The following CEP250 variants were observed in gnomAD, a reference collection of about 807,000 sequenced individuals.
CEP250 encodes the protein centrosomal protein 250, also known as centrosome-associated protein CEP250.
A neutral mutation model predicts 315.7 loss-of-function variants in CEP250; 242 were observed. The observed-to-expected ratio is 0.77, with a 90% CI of 0.69 to 0.85. The LOEUF (loss-of-function observed/expected upper bound fraction) is 0.85, where lower values mean the gene tolerates loss of function less well. Among genes scored for constraint, CEP250 ranks in the 40% least tolerant of loss-of-function variants. The pLI is 0.00. For synonymous variants in CEP250, 1,088 were observed against 1,175.0 expected (o/e 0.93, Z 1.51); for missense variants, 2,515 against 2,886.4 (o/e 0.87, Z 2.95).
At chr20:35,462,134 T>C (rs1367848432) in intron 3 of CEP250, 131 bp from the exon 4 acceptor site, 1 of 347,894 alleles carries the variant, frequency 2.9e-6, no homozygotes, top group Admixed American at 4.3e-5. Flanking sequence ...GTCAGTTAAA[T>C]TTGGGGAATG....
At chr20:35,496,101 G>T (rs1005307390) in intron 24 of CEP250, among the ~76,000 whole-genome samples, 4 of 152,060 alleles carry the variant, frequency 2.6e-5, no homozygotes, top group Non-Finnish European at 5.9e-5. Context: ...GGGGAGGAGA[G>T]GAAAGGGATG....
chr20:35,478,973 A>C (rs904245862), intron 17 of CEP250, among the ~76,000 whole-genome samples: 2 of 152,102 alleles, frequency 1.3e-5, no homozygotes, highest in Non-Finnish European at 2.9e-5. Flanking sequence ...GCATCTTCTC[A>C]AGGCCAAAAC....
rs180930362 is a variant in CEP250 at position 35,481,607 on chromosome 20, T to C, written c.2586+1462T>C. ...CACCATACCTTCTTGCATGTCAGAC[T>C]TTCTATTCAGATTTTTTTTTTTTTT... On this transcript the variant is annotated intron_variant, in intron 20 of 34. Coordinates refer to ENST00000397527, the MANE Select transcript of CEP250 (RefSeq NM_007186.6). Among the ~76,000 whole-genome samples the C allele has an allele frequency of 1.6e-3, 247 of 151,984 alleles. 4 individuals carry two copies. The highest frequency in any genetic ancestry group is 0.015 in the Admixed American group (226 of 15,266).
rs764076037 is a variant in CEP250 at position 35,480,157 on chromosome 20, A to T, written c.2586+12A>T. ...TCCGGGAGAAATGGGTAAGTGGTCA[A>T]TGTGGCCGGGTATGGCCTCCCTTCC... On this transcript the variant is annotated intron_variant, in intron 20 of 34. Transcript: ENST00000397527. The T allele has an allele frequency of 6.8e-6, 11 of 1,606,656 alleles. No homozygotes were observed. Among genetic ancestry groups the T allele is most frequent in the African/African-American group, 1.3e-5 (1 of 74,772 alleles).
chr20:35,510,048 GA>G lies in CEP250; in HGVS notation c.7062del (p.Glu2355ArgfsTer9), dbSNP rs2064310998. 1 of 1,614,050 alleles carries G rather than the reference GA, an allele frequency of 6.2e-7. No homozygotes were observed. The highest frequency in any genetic ancestry group is 1.7e-5 in the Admixed American group (1 of 60,012). Reference sequence around the variant, plus strand: ...ATGCCAAGTGTGTGGCTGAACTGCAGAAAGAGGTATGTTCTGGATTTTCTAA... The same window carrying G: ...ATGCCAAGTGTGTGGCTGAACTGCAGAAGAGGTATGTTCTGGATTTTCTAA... Reference protein sequence around the residue: ...SDAKCVAELQKEVVLLQAQLT... With the variant: ...SDAKCVAELQXEVVLLQAQLT... On this transcript the variant is annotated frameshift_variant, in exon 34 of 35. Coordinates refer to ENST00000397527, the MANE Select transcript of CEP250 (RefSeq NM_007186.6). LOFTEE classifies it high-confidence loss of function.
chr20:35,455,628 C>G lies in CEP250; in HGVS notation c.-421C>G, dbSNP rs1041811282. On this transcript the variant is annotated 5_prime_UTR_variant, in exon 1 of 35. Transcript: ENST00000397527. ...CACCCGCCACCCGACTCTGGAGCTCCCATTCTTCAGGACCCTGCTGAAGTA... is the reference window on the plus strand; with the variant it reads ...CACCCGCCACCCGACTCTGGAGCTCGCATTCTTCAGGACCCTGCTGAAGTA... The G allele has an allele frequency of 6.6e-6, 1 of 152,272 alleles. No individual in the cohort carries two copies. The highest frequency in any genetic ancestry group is 2.4e-5 in the African/African-American group (1 of 41,452). 9.4% of individuals were successfully genotyped at this position (152,272 alleles called of 1,614,324 possible). A position where few individuals can be genotyped will look rare whatever the true frequency, so the allele number is the denominator to read the frequency against.
At chr20:35,496,758 G>T (rs747330172) in intron 25 of CEP250, 43 bp downstream of exon 25, 3 of 1,584,648 alleles carry the variant, frequency 1.9e-6, no homozygotes, top group African/African-American at 2.7e-5. Context: ...CCTGGCAGAA[G>T]CCTGATTCTG....
intron 7 of CEP250, 21 bp from the exon 8 acceptor site, chr20:35,466,945 C>T: frequency 6.5e-7 from 1 of 1,536,110 alleles, no homozygotes; most frequent in Non-Finnish European, 9.0e-7. Flanking sequence ...TTGGGTATGA[C>T]CTGGGTTTCT....
In CEP250 at chr20:35,511,639, G is replaced by A. The variant is rs904369074; in HGVS notation, c.*13G>A. On this transcript the variant is annotated 3_prime_UTR_variant, in exon 35 of 35. Coordinates refer to ENST00000397527, the MANE Select transcript of CEP250 (RefSeq NM_007186.6). ...CGCCTCCAGGTAGCAGCCACAGCCA[G>A]GAGCACACAGACAGAAGACTGTGTC... is the stretch of plus-strand genomic sequence containing the variant. The A allele has an allele frequency of 1.2e-6, 2 of 1,603,700 alleles. No individual in the cohort carries two copies. Among genetic ancestry groups the A allele is most frequent in the African/African-American group, 1.3e-5 (1 of 74,892 alleles).
At position 35,504,388 on chromosome 20, in the gene CEP250, G is replaced by A; in HGVS notation, c.6019G>A (p.Ala2007Thr). The A allele has an allele frequency of 2.5e-6, 4 of 1,602,724 alleles. No homozygotes were observed. The highest frequency in any genetic ancestry group is 3.4e-6 in the Non-Finnish European group (4 of 1,174,668). The change falls in exon 30 of 35, where the codon GCC becomes ACC. Residue 2007 changes from alanine (A) to threonine (T), a missense_variant. Ala to Thr is a moderately conservative substitution (Grantham distance 58). Transcript: ENST00000397527. The part of the protein sequence containing the change: ...STATLQASLD[A>T]CQAHSRQLEE... The stretch of plus-strand genomic sequence containing the variant: ...TGCAACCCTGCAAGCCTCCCTGGAT[G>A]CCTGCCAGGCACACAGTCGGCAGCT...
chr20:35,514,958 TAC>T lies in CEP250; in HGVS notation c.*3334_*3335del, dbSNP rs2064420069. Reference sequence around the variant, plus strand: ...GCCCAGAATAGGCCCTGTTTTATTCTACAGAGATAGGAAGGCACTGGGGCTCA... The same window carrying T: ...GCCCAGAATAGGCCCTGTTTTATTCTAGAGATAGGAAGGCACTGGGGCTCA... On this transcript the variant is annotated 3_prime_UTR_variant, in exon 35 of 35. Transcript: ENST00000397527. 1 of 152,254 alleles carries T rather than the reference TAC, an allele frequency of 6.6e-6. No individual in the cohort carries two copies. The highest frequency in any genetic ancestry group is 1.5e-5 in the Non-Finnish European group (1 of 68,088). The allele number at this position is 152,254 out of a possible 1,614,324, so 9.4% of individuals were successfully genotyped here. A position where few individuals can be genotyped will look rare whatever the true frequency, so the allele number is the denominator to read the frequency against.
At chr20:35,488,654 G>C (rs2063592485) in intron 20 of CEP250, among the ~76,000 whole-genome samples, 1 of 151,994 alleles carries the variant, frequency 6.6e-6, no homozygotes, top group Non-Finnish European at 1.5e-5. Context: ...TGTAGATAAG[G>C]GGTTTCACCA....
At chr20:35,477,811 G>T in intron 16 of CEP250, 60 bp from the exon 17 acceptor site, 2 of 1,346,164 alleles carry the variant, frequency 1.5e-6, no homozygotes, top group South Asian at 1.3e-5. Flanking sequence ...CTTAGCATTT[G>T]ATTCCTAAAC....
chr20:35,474,449 A>G (rs2063113774), intron 14 of CEP250, among the ~76,000 whole-genome samples: 1 of 152,198 alleles, frequency 6.6e-6, no homozygotes, highest in Non-Finnish European at 1.5e-5. Flanking sequence ...TTTATGGAGG[A>G]GAGAGTAGAC....
rs2063267698 is a variant in CEP250 at position 35,479,249 on chromosome 20, G to T, written c.2113G>T (p.Ala705Ser). 2 of 1,613,962 alleles carry T rather than the reference G, an allele frequency of 1.2e-6. No individual in the cohort carries two copies. Among genetic ancestry groups the T allele is most frequent in the Non-Finnish European group, 1.7e-6 (2 of 1,179,900 alleles). The change falls in exon 18 of 35, where the codon GCA (alanine) becomes TCA (serine). Residue 705 changes from alanine (A) to serine (S), a missense_variant. By Grantham distance (99) the Ala-to-Ser change is moderately conservative. Transcript: ENST00000397527. ...KLSESRHQQE[A>S]ATTQLEQLHQ... ...CCCTCAGTCACGTCACCAGCAGGAG[G>T]CAGCCACGACTCAGCTGGAGCAGCT...
At chr20:35,472,282 T>A in intron 11 of CEP250, 131 bp downstream of exon 11, 2 of 654,784 alleles carry the variant, frequency 3.1e-6, no homozygotes, top group Non-Finnish European at 5.5e-6. Context: ...GGATGAGTTT[T>A]GTGTGTTTGA....
chr20:35,485,773 G>A (rs1322536192), intron 20 of CEP250, among the ~76,000 whole-genome samples: 1 of 135,274 alleles, frequency 7.4e-6, no homozygotes, highest in East Asian at 2.4e-4. Flanking sequence ...ATCCTCTCCA[G>A]CCTCCTGAGT....
rs2064376787 is a variant in CEP250, at chr20:35,512,073, T to C, written c.*447T>C. Reference sequence around the variant, plus strand: ...GCCAAAGATTCCTGTTGAGGTAGCATGCATTTATTGTACACCATGCACTGT... The same window carrying C: ...GCCAAAGATTCCTGTTGAGGTAGCACGCATTTATTGTACACCATGCACTGT... On this transcript the variant is annotated 3_prime_UTR_variant, in exon 35 of 35. Coordinates refer to ENST00000397527, the MANE Select transcript of CEP250 (RefSeq NM_007186.6). 9.8e-7 allele frequency: 1 copy of C among 1,016,366 alleles called. No homozygotes were observed. The highest frequency in any genetic ancestry group is 1.2e-6 in the Non-Finnish European group (1 of 848,322). The allele number at this position is 1,016,366 out of a possible 1,614,324, so 63.0% of individuals were successfully genotyped here.
At chr20:35,502,317 A>C in intron 29 of CEP250, 73 bp from the exon 30 acceptor site, 4 of 1,314,200 alleles carry the variant, frequency 3.0e-6, no homozygotes, top group South Asian at 1.5e-5. Context: ...AAAATAAGAA[A>C]GAGAAGGGTC....
Sources: allele counts gnomAD v4.1 joint callset (sites outside exome capture counted in the v4.1 genomes callset), GRCh38; gene constraint gnomAD v4.1.1; transcripts MANE v1.5; gene names NCBI Gene and HGNC (gene_info 2026-07-23, HGNC 2026-07-21).